Variants in PCDHA10 observed in about 807,000 individuals in gnomAD.
PCDHA10 encodes the protein protocadherin alpha-10.
PCDHA10 carries 45 observed loss-of-function variants against 61.2 expected under a neutral mutation model. That is an observed-to-expected ratio of 0.74 (90% confidence interval 0.58 to 0.94). PCDHA10 has a LOEUF of 0.94. PCDHA10 is among the 40% of genes least tolerant of loss of function. The pLI, the probability that PCDHA10 is intolerant of heterozygous loss-of-function variation, is 0.00. For synonymous variants in PCDHA10, 602 were observed against 548.8 expected (o/e 1.10, Z -1.35); for missense variants, 1,278 against 1,236.2 (o/e 1.03, Z -0.51).
At chr5:140,864,300 T>C (rs889692315) in intron 1 of PCDHA10, 9 of 152,214 alleles carry the variant, frequency 5.9e-5, no homozygotes, top group Non-Finnish European at 1.2e-4. Flanking sequence ...TATTCAAAAA[T>C]ACCATGACAA....
chr5:140,881,180 T>G (rs1054668567), intron 1 of PCDHA10: 1 of 167,342 alleles, frequency 6.0e-6, no homozygotes, highest in East Asian at 1.9e-4. Flanking sequence ...TTTTCCTTGC[T>G]AAAGATATGT....
At chr5:140,953,928 C>T (rs246028) in intron 1 of PCDHA10, among the ~76,000 whole-genome samples, 85,608 of 151,876 alleles carry the variant, frequency 0.56, 24,758 homozygotes, top group African/African-American at 0.69. Flanking sequence ...CTTCCTGATG[C>T]TCTCCCTCCC....
At chr5:140,870,318 G>T in intron 1 of PCDHA10, 1 of 1,614,178 alleles carries the variant, frequency 6.2e-7, no homozygotes, top group Non-Finnish European at 8.5e-7. Context: ...ATTACTACTC[G>T]TTGGTGCTGG....
chr5:141,009,863 A>G lies in PCDHA10; in HGVS notation c.2773A>G (p.Lys925Glu). 1 of 1,614,104 alleles carries G rather than the reference A, an allele frequency of 6.2e-7. No homozygotes were observed. Among genetic ancestry groups the G allele is most frequent in the Non-Finnish European group, 8.5e-7 (1 of 1,180,006 alleles). Residue 925 changes from lysine to glutamate, a missense_variant, in exon 4 of 4, where the codon AAA becomes GAA. Coordinates refer to ENST00000307360, the MANE Select transcript of PCDHA10 (RefSeq NM_018901.4). ...GKKEETKKKK[K>E]KKKGNKTQEK... ...AAAGGAGGAGACCAAGAAAAAGAAG[A>G]AAAAGAAGAAGGGTAACAAGACCCA...
At position 140,855,938 on chromosome 5, in the gene PCDHA10, T is replaced by G; in HGVS notation, c.-111T>G. The G allele has an allele frequency of 7.6e-7, 1 of 1,308,620 alleles. No individual in the cohort carries two copies. The highest frequency in any genetic ancestry group is 1.5e-5 in the South Asian group (1 of 68,368). 81.1% of individuals were successfully genotyped at this position (1,308,620 alleles called of 1,614,324 possible). A position where few individuals can be genotyped will look rare whatever the true frequency, so the allele number is the denominator to read the frequency against. On this transcript the variant is annotated 5_prime_UTR_variant, in exon 1 of 4. Coordinates refer to ENST00000307360, the MANE Select transcript of PCDHA10 (RefSeq NM_018901.4). ...ACTAGGAAGTAGCGTCATTCTGAGA[T>G]CTCAGCCATTTCGATAAAAAATAGA...
At position 140,857,402 on chromosome 5, in the gene PCDHA10, C is replaced by T. The variant is rs2044569708; in HGVS notation, c.1354C>T (p.Pro452Ser). 3 of 1,598,498 alleles carry T rather than the reference C, an allele frequency of 1.9e-6. No homozygotes were observed. Among genetic ancestry groups the T allele is most frequent in the Non-Finnish European group, 2.6e-6 (3 of 1,167,898 alleles). ...GGTGGCCGACGTGAACGACAACGCG[C>T]CTGCGTTCGCGCAGTCCGAGTACAC... ...VEVADVNDNA[P>S]AFAQSEYTVF... is the part of the protein sequence containing the mutation. Residue 452 changes from proline (P) to serine (S), a missense_variant, in exon 1 of 4, where the codon CCT becomes TCT. By Grantham distance (74) the Pro-to-Ser change is moderately conservative. Transcript: ENST00000307360.
chr5:140,875,340 C>A, intron 1 of PCDHA10: 1 of 1,442,242 alleles, frequency 6.9e-7, no homozygotes, highest in Non-Finnish European at 9.1e-7. Flanking sequence ...AGGATCGACT[C>A]CATAATGACT....
intron 1 of PCDHA10, chr5:140,871,241 C>CGCT (rs1268066555): frequency 1.2e-6 from 2 of 1,613,972 alleles, no homozygotes; most frequent in African/African-American, 2.7e-5. Context: ...CTGGTACTCA[C>CGCT]GCTGCTGCTG....
intron 1 of PCDHA10, among the ~76,000 whole-genome samples, chr5:140,916,660 T>A (rs2077673786): frequency 6.6e-6 from 1 of 152,172 alleles, no homozygotes; most frequent in African/African-American, 2.4e-5. Flanking sequence ...GTATCCAAGA[T>A]GCAAGACAAA....
intron 1 of PCDHA10, among the ~76,000 whole-genome samples, chr5:140,939,663 C>T (rs1282923741): frequency 6.6e-6 from 1 of 152,116 alleles, no homozygotes; most frequent in Non-Finnish European, 1.5e-5. Context: ...ACAGGAATAA[C>T]CAACTTGTAT....
intron 1 of PCDHA10, among the ~76,000 whole-genome samples, chr5:140,920,608 G>A (rs2153558027): frequency 6.6e-6 from 1 of 152,286 alleles, no homozygotes; most frequent in Non-Finnish European, 1.5e-5. Flanking sequence ...CACTTTGGGA[G>A]GCCGAGGCGG....
intron 1 of PCDHA10, chr5:140,869,814 C>A: frequency 2.5e-6 from 4 of 1,612,258 alleles, no homozygotes; most frequent in Non-Finnish European, 3.4e-6. Flanking sequence ...ATGTCAACGA[C>A]AATGATCCAG....
At chr5:140,982,453 C>T (rs1554244194) in intron 2 of PCDHA10, 22 bp from the exon 3 acceptor site, 5 of 1,613,812 alleles carry the variant, frequency 3.1e-6, no homozygotes, top group African/African-American at 1.3e-5. Context: ...TAACCGTTAT[C>T]TGGGTCTGTG....
intron 1 of PCDHA10, chr5:140,877,657 G>A: frequency 6.2e-7 from 1 of 1,613,570 alleles, no homozygotes; most frequent in Non-Finnish European, 8.5e-7. Flanking sequence ...GCCGCCCACC[G>A]TGAGCCGGTG....
intron 1 of PCDHA10, chr5:140,929,570 A>G (rs1563117537): frequency 2.2e-6 from 1 of 458,222 alleles, no homozygotes; most frequent in South Asian, 1.1e-4. Flanking sequence ...TAAGAACAAT[A>G]AAAGTAATAT....
At chr5:140,882,698 G>T in intron 1 of PCDHA10, 1 of 1,614,200 alleles carries the variant, frequency 6.2e-7, no homozygotes, top group Non-Finnish European at 8.5e-7. Context: ...AATCATTGCA[G>T]AATCTAGACC....
chr5:141,004,897 G>T (rs1455115465), intron 3 of PCDHA10, among the ~76,000 whole-genome samples: 1 of 152,154 alleles, frequency 6.6e-6, no homozygotes, highest in Non-Finnish European at 1.5e-5. Context: ...TGTCAGCTCT[G>T]CCAGGGTGTA....
intron 3 of PCDHA10, among the ~76,000 whole-genome samples, chr5:140,982,908 C>A (rs1554244948): frequency 2.0e-5 from 3 of 151,668 alleles, no homozygotes; most frequent in Non-Finnish European, 2.9e-5. Flanking sequence ...GCCTTATGCA[C>A]AGAGATGACA....
At chr5:140,948,527 A>G (rs902965857) in intron 1 of PCDHA10, among the ~76,000 whole-genome samples, 7 of 151,560 alleles carry the variant, frequency 4.6e-5, no homozygotes, top group Non-Finnish European at 8.9e-5. Context: ...CACTATTTAT[A>G]TTTTATTTCA....
Sources: allele counts gnomAD v4.1 joint callset (sites outside exome capture counted in the v4.1 genomes callset), GRCh38; gene constraint gnomAD v4.1.1; transcripts MANE v1.5; gene names NCBI Gene and HGNC (gene_info 2026-07-23, HGNC 2026-07-21).